The following UGGT2 variants were observed in gnomAD, a reference collection of about 807,000 sequenced individuals.
UGGT2 encodes the protein UDP-glucose glycoprotein glucosyltransferase 2, also known as UDP-glucose:glycoprotein glucosyltransferase 2.
In UGGT2, 180 loss-of-function variants were observed where a neutral mutation model predicts 192.1. That is an observed-to-expected ratio of 0.94 (90% CI 0.83 to 1.06). The LOEUF (loss-of-function observed/expected upper bound fraction) is 1.06, where lower values mean the gene tolerates loss of function less well. Among genes scored for constraint, UGGT2 ranks in the 50% least tolerant of loss-of-function variants. UGGT2 has a pLI of 0.00. For synonymous variants in UGGT2, 580 were observed against 591.0 expected (o/e 0.98, Z 0.27); for missense variants, 1,849 against 1,795.7 (o/e 1.03, Z -0.54).
intron 20 of UGGT2, among the ~76,000 whole-genome samples, chr13:95,910,412 A>G (rs899279026): frequency 1.3e-5 from 2 of 152,200 alleles, no homozygotes; most frequent in Non-Finnish European, 2.9e-5. Flanking sequence ...AAGCAAATGG[A>G]AAGAAAAAAG....
chr13:95,968,303 AAC>A (rs896650315), intron 12 of UGGT2, among the ~76,000 whole-genome samples: 2 of 152,212 alleles, frequency 1.3e-5, no homozygotes, highest in African/African-American at 4.8e-5. Context: ...CCTAATAAAA[AAC>A]AGATATAAAA....
intron 15 of UGGT2, among the ~76,000 whole-genome samples, chr13:95,944,830 G>A (rs988691699): frequency 6.6e-6 from 1 of 151,896 alleles, no homozygotes. Flanking sequence ...AATCTTAAGT[G>A]TATTGTTAAA....
rs933460084 is a variant in UGGT2, at chr13:95,877,318, A to G, written c.3434T>C (p.Leu1145Ser). Residue 1145 changes from leucine to serine, a missense_variant, in exon 29 of 39, where the codon TTA (leucine) becomes TCA (serine). Transcript: ENST00000376747. ...KANPGAWILR[L>S]HQGKSEDIYQ... Reference sequence around the variant, plus strand: ...AATATCTTCAGATTTTCCTTGGTGTAACCTCAGTATCCAAGCACCTGGGTT... The same window carrying G: ...AATATCTTCAGATTTTCCTTGGTGTGACCTCAGTATCCAAGCACCTGGGTT... 4 of 1,607,084 alleles carry G rather than the reference A, an allele frequency of 2.5e-6. No individual in the cohort carries two copies. Among genetic ancestry groups the G allele is most frequent in the Non-Finnish European group, 3.4e-6 (4 of 1,177,738 alleles).
intron 29 of UGGT2, among the ~76,000 whole-genome samples, chr13:95,869,531 A>G (rs1283280348): frequency 6.6e-6 from 1 of 152,146 alleles, no homozygotes; most frequent in East Asian, 1.9e-4. Flanking sequence ...CTATTTCTCC[A>G]CATCCTCAGG....
chr13:95,934,173 TGA>T (rs1157712915), intron 17 of UGGT2, among the ~76,000 whole-genome samples: 2 of 152,264 alleles, frequency 1.3e-5, no homozygotes, highest in Non-Finnish European at 2.9e-5. Context: ...TATGTAGTTT[TGA>T]GAGATGTTCT....
chr13:95,872,548 T>TA (rs770102192), intron 29 of UGGT2, among the ~76,000 whole-genome samples: 1 of 152,214 alleles, frequency 6.6e-6, no homozygotes, highest in Admixed American at 6.5e-5. Context: ...TTAGACTTTT[T>TA]ATTACACAGT....
chr13:96,042,977 A>G (rs1359999589), intron 1 of UGGT2, among the ~76,000 whole-genome samples: 1 of 152,238 alleles, frequency 6.6e-6, no homozygotes, highest in Non-Finnish European at 1.5e-5. Flanking sequence ...CACCCTTTCT[A>G]GAGACCTAGA....
At position 95,877,294 on chromosome 13, in the gene UGGT2, A is replaced by G. The variant is rs747193670; in HGVS notation, c.3458T>C (p.Ile1153Thr). ...CATAACTCACCCAACTATTTGATAA[A>G]TATCTTCAGATTTTCCTTGGTGTAA... ...LRLHQGKSEDIYQIVGHEGTD... is the reference protein window; with the variant it reads ...LRLHQGKSEDTYQIVGHEGTD... The change falls in exon 29 of 39, where the codon ATT (isoleucine) becomes ACT (threonine). Residue 1153 changes from isoleucine (I) to threonine (T), a missense_variant. Ile to Thr is a moderately conservative substitution (Grantham distance 89). Coordinates refer to ENST00000376747, the MANE Select transcript of UGGT2 (RefSeq NM_020121.4). The G allele has an allele frequency of 3.8e-6, 6 of 1,598,190 alleles. 1 individual carries two copies. The South Asian group carries it at 5.8e-5, about 15-fold the overall frequency.
intron 4 of UGGT2, among the ~76,000 whole-genome samples, chr13:96,021,035 G>C (rs1050336712): frequency 6.6e-6 from 1 of 152,170 alleles, no homozygotes; most frequent in African/African-American, 2.4e-5. Flanking sequence ...TACAGAGTTG[G>C]CATATGTTTC....
At chr13:96,024,878 A>G (rs1391303097) in intron 2 of UGGT2, among the ~76,000 whole-genome samples, 1 of 152,160 alleles carries the variant, frequency 6.6e-6, no homozygotes, top group Non-Finnish European at 1.5e-5. Context: ...GGAAGCAGAC[A>G]TTTTGGGGTT....
chr13:95,840,667 G>A (rs1887764750), intron 36 of UGGT2, among the ~76,000 whole-genome samples: 1 of 152,138 alleles, frequency 6.6e-6, no homozygotes, highest in Non-Finnish European at 1.5e-5. Context: ...TCTACGACCA[G>A]AAACACCATT....
At chr13:95,963,774 C>T (rs1423680852) in intron 12 of UGGT2, among the ~76,000 whole-genome samples, 1 of 152,022 alleles carries the variant, frequency 6.6e-6, no homozygotes, top group Non-Finnish European at 1.5e-5. Context: ...AAAGGGTAAT[C>T]CCATTTACAG....
At chr13:95,809,996 T>C (rs1231355110) in intron 38 of UGGT2, among the ~76,000 whole-genome samples, 3 of 152,240 alleles carry the variant, frequency 2.0e-5, no homozygotes, top group Admixed American at 2.0e-4. Flanking sequence ...GTTTTGGTGC[T>C]GCTGACACAG....
intron 22 of UGGT2, among the ~76,000 whole-genome samples, chr13:95,899,437 G>A (rs1174575746): frequency 2.6e-5 from 4 of 151,970 alleles, no homozygotes; most frequent in Non-Finnish European, 5.9e-5. Context: ...GTAGGTGTAA[G>A]ATTAATATCT....
At chr13:95,980,349 AG>A (rs1252920212) in intron 10 of UGGT2, among the ~76,000 whole-genome samples, 3 of 152,206 alleles carry the variant, frequency 2.0e-5, no homozygotes, top group Non-Finnish European at 4.4e-5. Context: ...GAAGTAACTC[AG>A]GAATGGAAAA....
At chr13:96,044,456 C>T (rs1040375796) in intron 1 of UGGT2, among the ~76,000 whole-genome samples, 2 of 151,994 alleles carry the variant, frequency 1.3e-5, no homozygotes, top group Non-Finnish European at 2.9e-5. Flanking sequence ...ACTAAAGAAA[C>T]AGAACAAACC....
chr13:95,885,948 G>GA (rs1039288151), intron 26 of UGGT2, among the ~76,000 whole-genome samples: 17 of 150,200 alleles, frequency 1.1e-4, no homozygotes, highest in East Asian at 2.0e-4. Context: ...GAAGAAGAGG[G>GA]AAAAAAAAGA....
chr13:95,860,924 A>G, intron 31 of UGGT2, 41 bp from the exon 32 acceptor site: 7 of 1,258,768 alleles, frequency 5.6e-6, no homozygotes, highest in South Asian at 1.6e-5. Context: ...AAACATACAT[A>G]TGGAAACATT....
rs1350323680 is a variant in UGGT2 at position 95,850,223 on chromosome 13, A to G, written c.4284+3320T>C. On this transcript the variant is annotated intron_variant, in intron 36 of 38. Transcript: ENST00000376747. ...ATAGGCTACCTTTCTTTCTGTACAAACTGAATAATGAAGTACATGAATGTA... is the reference window on the plus strand; with the variant it reads ...ATAGGCTACCTTTCTTTCTGTACAAGCTGAATAATGAAGTACATGAATGTA... Among the ~76,000 whole-genome samples, 7 of 152,280 alleles carry G rather than the reference A, an allele frequency of 4.6e-5. No individual in the cohort carries two copies. The East Asian group carries it at 1.4e-3, about 29-fold the overall frequency.
Sources: gnomAD v4.1 joint callset for allele counts (sites outside exome capture counted in the v4.1 genomes callset) on GRCh38, gnomAD v4.1.1 for gene constraint, MANE v1.5 for transcripts, NCBI Gene and HGNC (gene_info 2026-07-23, HGNC 2026-07-21) for gene names.